SRCIN1: variants seen among roughly 807,000 people sequenced by gnomAD.
The protein encoded by SRCIN1 is P130Cas-associated protein.
In SRCIN1, 50 loss-of-function variants were observed where a neutral mutation model predicts 116.2. That is an observed-to-expected ratio of 0.43 (90% CI 0.34 to 0.54). The LOEUF (loss-of-function observed/expected upper bound fraction) is 0.54, where lower values mean the gene tolerates loss of function less well. Ranked by LOEUF, SRCIN1 falls within the 20% of genes least tolerant of loss-of-function variation. SRCIN1 has a pLI of 0.02. For synonymous variants in SRCIN1, 736 were observed against 750.0 expected (o/e 0.98, Z 0.30); for missense variants, 1,446 against 1,672.0 (o/e 0.86, Z 2.36).
chr17:38,533,458 CAG>C, intron 18 of SRCIN1, 27 bp from the exon 19 acceptor site: 1 of 1,607,876 alleles, frequency 6.2e-7, no homozygotes, highest in Non-Finnish European at 8.5e-7. Flanking sequence ...GGTCAGGGGT[CAG>C]AGAGCGGAAG....
rs1427727796 is a variant in SRCIN1, at chr17:38,605,787, G to C, written c.-82C>G. On this transcript the variant is annotated 5_prime_UTR_variant, in exon 1 of 19. Transcript: ENST00000617146. ...TCGCCGCCTCGCGGGCTCCTCGCTC[G>C]GCCCCAGCCCCGGGGCGCGGTGCCA... 3 of 611,880 alleles carry C rather than the reference G, an allele frequency of 4.9e-6. No homozygotes were observed. The highest frequency in any genetic ancestry group is 6.3e-6 in the Non-Finnish European group (3 of 479,788). The allele number at this position is 611,880 out of a possible 1,614,324, so 37.9% of individuals were successfully genotyped here. A position where few individuals can be genotyped will look rare whatever the true frequency, so the allele number is the denominator to read the frequency against.
intron 18 of SRCIN1, among the ~76,000 whole-genome samples, chr17:38,539,407 C>T (rs554507171): frequency 1.3e-5 from 2 of 152,248 alleles, no homozygotes; most frequent in African/African-American, 2.4e-5. Flanking sequence ...TAATTTCTGC[C>T]GTGCTCTGTA....
At chr17:38,595,840 T>A (rs1260589964) in intron 1 of SRCIN1, among the ~76,000 whole-genome samples, 3 of 152,198 alleles carry the variant, frequency 2.0e-5, no homozygotes, top group Admixed American at 2.0e-4. Context: ...GCACACTCAC[T>A]GACATGCACA....
Position 38,544,112 on chromosome 17 carries a change from C to T in SRCIN1, c.3271-143G>A, listed in dbSNP as rs8065291. ...CTGGAGACCCCTCTCTAGCTCCACA[C>T]CCGAGTCCAGAACCCAGGTCCACCC... On this transcript the variant is annotated intron_variant, in intron 17 of 18. Coordinates refer to ENST00000617146, the MANE Select transcript of SRCIN1 (RefSeq NM_025248.3). This position sits in a 1 kb window ranked among gnomAD's most constrained non-coding sequence, Gnocchi z 4.5. 129,207 of 1,028,128 alleles carry T rather than the reference C, an allele frequency of 0.13. 8,993 individuals are homozygous for T. The highest frequency in any genetic ancestry group is 0.16 in the South Asian group (9,319 of 58,160). 63.7% of individuals were successfully genotyped at this position (1,028,128 alleles called of 1,614,324 possible). A position where few individuals can be genotyped will look rare whatever the true frequency, so the allele number is the denominator to read the frequency against.
At chr17:38,581,405 CAA>C (rs1313727690) in intron 1 of SRCIN1, among the ~76,000 whole-genome samples, 3,200 of 56,116 alleles carry the variant, frequency 0.057, 127 homozygotes, top group African/African-American at 0.16. Flanking sequence ...AACTCTGTCT[CAA>C]AAAAAAAAAA....
chr17:38,578,399 T>G, intron 2 of SRCIN1, 91 bp downstream of exon 2: 15 of 1,412,712 alleles, frequency 1.1e-5, no homozygotes, highest in African/African-American at 1.5e-5. Flanking sequence ...AGAGTTGGAA[T>G]GAGCCTGGGG....
At chr17:38,547,645 T>C in intron 17 of SRCIN1, 1 of 236,368 alleles carries the variant, frequency 4.2e-6, no homozygotes, top group Non-Finnish European at 8.8e-6. Context: ...GTGGCCATGG[T>C]GGGACTTGGG....
rs535899740 is a variant in SRCIN1, at chr17:38,585,229, G to C, written c.23-6438C>G. The stretch of plus-strand genomic sequence containing the variant: ...CAGGAGAGGAGCATGGAGACAGCTG[G>C]AAGGGTGGAGGACCTGCCTGCCTTA... On this transcript the variant is annotated intron_variant, in intron 1 of 18. Coordinates refer to ENST00000617146, the MANE Select transcript of SRCIN1 (RefSeq NM_025248.3). The surrounding 1 kb of genome is among the most constrained non-coding windows in gnomAD (Gnocchi z 4.2). 6.6e-6 allele frequency among the ~76,000 whole-genome samples: 1 copy of C among 152,314 alleles called. No homozygotes were observed. The highest frequency in any genetic ancestry group is 2.1e-4 in the South Asian group (1 of 4,830).
intron 11 of SRCIN1, among the ~76,000 whole-genome samples, chr17:38,556,373 G>A (rs542957486): frequency 2.3e-4 from 35 of 151,858 alleles, no homozygotes; most frequent in African/African-American, 6.6e-4. Context: ...TCAGTCAGCA[G>A]AGGCTGCACC....
intron 3 of SRCIN1, among the ~76,000 whole-genome samples, chr17:38,566,902 T>TTCCTTCCTTCC (rs1567869321): frequency 1.7e-4 from 3 of 17,446 alleles, no homozygotes; most frequent in Non-Finnish European, 3.1e-4. Flanking sequence ...TCCTTCCTTC[T>TTCCTTCCTTCC]TTCCTTCCTT....
At chr17:38,606,261 G>T (rs1909364475), upstream of SRCIN1, among the ~76,000 whole-genome samples, 1 of 151,806 alleles carries the variant, frequency 6.6e-6, no homozygotes. The surrounding 1 kb of genome is among the most constrained non-coding windows in gnomAD (Gnocchi z 5.2). Context: ...GGCACCCGGG[G>T]AAGCGGGGAC....
intron 3 of SRCIN1, among the ~76,000 whole-genome samples, chr17:38,566,865 G>C (rs71384242): frequency 0.32 from 18,666 of 58,492 alleles, 1,290 homozygotes; most frequent in East Asian, 0.45. Context: ...GTTTTGTTTC[G>C]TTTCCTTCCT....
intron 1 of SRCIN1, among the ~76,000 whole-genome samples, chr17:38,589,584 A>AGG (rs1908331825): frequency 1.3e-5 from 2 of 152,208 alleles, no homozygotes; most frequent in Non-Finnish European, 2.9e-5. Context: ...ACCAATGCTT[A>AGG]GCCAATGGGG....
At chr17:38,578,831 C>T (rs1013379831) in intron 1 of SRCIN1, 40 bp from the exon 2 acceptor site, 9 of 1,451,228 alleles carry the variant, frequency 6.2e-6, no homozygotes, top group Middle Eastern at 2.5e-4. Context: ...TCACGGCGCG[C>T]CCGGCCTGGG....
chr17:38,536,979 C>A (rs1331821013), intron 18 of SRCIN1, among the ~76,000 whole-genome samples: 1 of 151,616 alleles, frequency 6.6e-6, no homozygotes, highest in East Asian at 1.9e-4. Flanking sequence ...GAGTTTGAGA[C>A]CAGCCTGGCC....
rs767505229 is a variant in SRCIN1 at position 38,549,006 on chromosome 17, C to T, written c.3117+50G>A. On this transcript the variant is annotated intron_variant, in intron 16 of 18. Coordinates refer to ENST00000617146, the MANE Select transcript of SRCIN1 (RefSeq NM_025248.3). ...GAGGGCCTCCAGAAGTCATCTGAGG[C>T]TTCATCCTAACTCAGTCCCCTGGCC... is the stretch of plus-strand genomic sequence containing the variant. The T allele has an allele frequency of 2.9e-5, 46 of 1,599,232 alleles. No individual in the cohort carries two copies. The South Asian group carries it at 4.6e-4, about 16-fold the overall frequency.
Position 38,604,645 on chromosome 17 carries a change from C to G in SRCIN1, c.22+1039G>C, listed in dbSNP as rs563131845. 6 of 411,228 alleles carry G rather than the reference C, an allele frequency of 1.5e-5. No individual in the cohort carries two copies. The highest frequency in any genetic ancestry group is 1.0e-4 in the African/African-American group (5 of 47,932). 25.5% of individuals were successfully genotyped at this position (411,228 alleles called of 1,614,324 possible). Reference sequence around the variant, plus strand: ...GGGGACGAGCACCAGCAGCCGCACACGCCCCGCCGGGCCCTGACAGCTGAG... The same window carrying G: ...GGGGACGAGCACCAGCAGCCGCACAGGCCCCGCCGGGCCCTGACAGCTGAG... On this transcript the variant is annotated intron_variant, in intron 1 of 18. Coordinates refer to ENST00000617146, the MANE Select transcript of SRCIN1 (RefSeq NM_025248.3). This position sits in a 1 kb window ranked among gnomAD's most constrained non-coding sequence, Gnocchi z 4.3.
intron 17 of SRCIN1, among the ~76,000 whole-genome samples, chr17:38,548,315 G>A (rs1905185623): frequency 6.6e-6 from 1 of 152,274 alleles, no homozygotes; most frequent in South Asian, 2.1e-4. Context: ...GGGATACTTG[G>A]GGGGACTCAG....
At chr17:38,589,986 T>C (rs1908355138) in intron 1 of SRCIN1, among the ~76,000 whole-genome samples, 1 of 152,176 alleles carries the variant, frequency 6.6e-6, no homozygotes, top group Admixed American at 6.5e-5. Context: ...AGCCAGGGCC[T>C]GGTCAGATAG....
Sources: gnomAD v4.1 joint callset for allele counts (sites outside exome capture counted in the v4.1 genomes callset) on GRCh38, gnomAD v4.1.1 for gene constraint, Gnocchi (gnomAD v3.1) non-coding constraint, MANE v1.5 for transcripts, NCBI Gene and HGNC (gene_info 2026-07-23, HGNC 2026-07-21) for gene names.